PCSK5: variants seen among roughly 807,000 people sequenced by gnomAD.
The protein encoded by PCSK5 is prohormone convertase 5.
A neutral mutation model predicts 233.2 loss-of-function variants in PCSK5; 129 were observed. That is an observed-to-expected ratio of 0.55 (90% CI 0.48 to 0.64). The LOEUF is 0.64. Ranked by LOEUF, PCSK5 falls within the 30% of genes least tolerant of loss-of-function variation. The pLI is 0.00. For missense variants in PCSK5, 2,076 were observed against 2,430.1 expected, an observed-to-expected ratio of 0.85 and a Z score of 3.06; for synonymous variants, 825 against 879.2, an observed-to-expected ratio of 0.94 and a Z score of 1.09.
intron 1 of PCSK5, among the ~76,000 whole-genome samples, chr9:75,918,379 G>A (rs1823098419): frequency 6.6e-6 from 1 of 152,218 alleles, no homozygotes; most frequent in African/African-American, 2.4e-5. Flanking sequence ...ATTCAGTTAA[G>A]GTGGGGCTCA....
Position 76,296,842 on chromosome 9 carries a change from A to C in PCSK5, c.3500A>C (p.Gln1167Pro). The change falls in exon 27 of 38, where the codon CAG (glutamine) becomes CCG (proline). Residue 1167 changes from glutamine to proline, a missense_variant. Physicochemically the swap from Gln to Pro is moderately conservative, Grantham distance 76. Around this residue, in one of 6 missense-constraint regions of PCSK5, gnomAD observed 1,510 missense variants for 1,538.1 expected, o/e 0.98. Coordinates refer to ENST00000674117, the MANE Select transcript of PCSK5 (RefSeq NM_001372043.1). ...RGMCVHATKT[Q>P]EEGKFWNEAV... ...ATGTGCGTGCATGCCACCAAGACCC[A>C]GGAGGAGGGCAAATTCTGGAATGGT... is the stretch of plus-strand genomic sequence containing the variant. The C allele has an allele frequency of 8.1e-6, 13 of 1,611,176 alleles. No individual in the cohort carries two copies. Among genetic ancestry groups the C allele is most frequent in the Non-Finnish European group, 1.1e-5 (13 of 1,179,386 alleles).
intron 7 of PCSK5, among the ~76,000 whole-genome samples, chr9:76,093,316 A>G (rs1337867571): frequency 2.0e-5 from 3 of 151,804 alleles, no homozygotes; most frequent in African/African-American, 7.3e-5. Context: ...GCTGGTCTCT[A>G]ACTCCTGGAC....
At chr9:76,222,462 A>T (rs1391979723) in intron 20 of PCSK5, among the ~76,000 whole-genome samples, 2 of 152,148 alleles carry the variant, frequency 1.3e-5, no homozygotes, top group African/African-American at 4.8e-5. Context: ...GACCTTCATC[A>T]TCTTCTTCCA....
chr9:76,098,174 G>A (rs1831613506), intron 8 of PCSK5, among the ~76,000 whole-genome samples: 1 of 152,100 alleles, frequency 6.6e-6, no homozygotes, highest in South Asian at 2.1e-4. Flanking sequence ...TTTGTAGATT[G>A]ATTTAGGTAA....
At chr9:76,151,934 T>A (rs1267355189) in intron 10 of PCSK5, among the ~76,000 whole-genome samples, 1 of 152,236 alleles carries the variant, frequency 6.6e-6, no homozygotes, top group East Asian at 1.9e-4. Flanking sequence ...GAGTAGGTGC[T>A]TTACAACCTG....
chr9:76,271,199 G>C (rs1263686876), intron 24 of PCSK5, among the ~76,000 whole-genome samples: 4 of 152,200 alleles, frequency 2.6e-5, no homozygotes, highest in African/African-American at 7.2e-5. Context: ...TGAGCATTAA[G>C]GGAGAAAGGA....
intron 20 of PCSK5, among the ~76,000 whole-genome samples, chr9:76,206,816 T>C (rs1825133590): frequency 6.6e-6 from 1 of 152,236 alleles, no homozygotes; most frequent in African/African-American, 2.4e-5. Flanking sequence ...CTTGCTGTAT[T>C]AATTTCTTAT....
At chr9:76,226,001 G>A (rs1426466205) in intron 20 of PCSK5, among the ~76,000 whole-genome samples, 1 of 152,128 alleles carries the variant, frequency 6.6e-6, no homozygotes, top group Non-Finnish European at 1.5e-5. Context: ...TTGGGCCTAG[G>A]TCTCCTGGGA....
intron 24 of PCSK5, among the ~76,000 whole-genome samples, chr9:76,271,898 G>A (rs766166438): frequency 5.9e-5 from 9 of 152,050 alleles, no homozygotes; most frequent in Non-Finnish European, 1.2e-4. Flanking sequence ...ATAGTCTCAT[G>A]GCCTTCTCCC....
At chr9:75,911,506 C>T (rs1387373818) in intron 1 of PCSK5, among the ~76,000 whole-genome samples, 2 of 152,094 alleles carry the variant, frequency 1.3e-5, no homozygotes, top group Non-Finnish European at 2.9e-5. Context: ...CATAATGATC[C>T]CTTCGTTCTT....
intron 5 of PCSK5, among the ~76,000 whole-genome samples, chr9:76,050,047 C>G (rs139204140): frequency 6.6e-6 from 1 of 152,224 alleles, no homozygotes; most frequent in East Asian, 1.9e-4. Flanking sequence ...TGTATCATGT[C>G]TTTTTTTCTC....
At chr9:76,064,166 G>T (rs1229550786) in intron 5 of PCSK5, among the ~76,000 whole-genome samples, 45 of 116,004 alleles carry the variant, frequency 3.9e-4, no homozygotes, top group East Asian at 5.6e-4. Context: ...CGGACGGGGC[G>T]GCTGGCCAGG....
At chr9:76,283,307 G>C (rs761859121) in intron 24 of PCSK5, among the ~76,000 whole-genome samples, 4 of 152,114 alleles carry the variant, frequency 2.6e-5, no homozygotes, top group African/African-American at 9.7e-5. Flanking sequence ...GTCAATCAAC[G>C]TGGTAAACTT....
intron 2 of PCSK5, among the ~76,000 whole-genome samples, chr9:75,943,966 C>A (rs1414700055): frequency 2.0e-5 from 3 of 151,926 alleles, no homozygotes; most frequent in Non-Finnish European, 2.9e-5. Context: ...AGTTCGAGAC[C>A]AGCCTAGGCA....
intron 5 of PCSK5, among the ~76,000 whole-genome samples, chr9:76,047,492 GAGAA>G (rs1412252171): frequency 6.6e-6 from 1 of 152,096 alleles, no homozygotes; most frequent in Non-Finnish European, 1.5e-5. Context: ...CTAGTGACTT[GAGAA>G]AGAGTCATTT....
chr9:76,031,725 C>G (rs1179134698), intron 5 of PCSK5, among the ~76,000 whole-genome samples: 1 of 151,982 alleles, frequency 6.6e-6, no homozygotes, highest in Non-Finnish European at 1.5e-5. Flanking sequence ...TAAAGATTAT[C>G]AATAAAATGT....
intron 3 of PCSK5, among the ~76,000 whole-genome samples, chr9:75,988,922 G>A (rs981653715): frequency 7.2e-5 from 11 of 152,152 alleles, no homozygotes; most frequent in Admixed American, 1.3e-4. Context: ...TGCTGTTTAC[G>A]GTGCTGTGAG....
chr9:76,205,995 T>C (rs1469973719), intron 20 of PCSK5, among the ~76,000 whole-genome samples: 1 of 152,144 alleles, frequency 6.6e-6, no homozygotes, highest in African/African-American at 2.4e-5. Flanking sequence ...TGGGTTGAGA[T>C]GGCGACAGTC....
chr9:76,328,991 G>C (rs4745534), intron 33 of PCSK5, among the ~76,000 whole-genome samples: 1 of 49,398 alleles, frequency 2.0e-5, no homozygotes, highest in Non-Finnish European at 4.4e-5. Context: ...TTTTTTTTTT[G>C]TATTTTTGGT....
Sources: gnomAD v4.1 joint callset for allele counts (sites outside exome capture counted in the v4.1 genomes callset) on GRCh38, gnomAD v4.1.1 for gene constraint, gnomAD v4.1.1 regional missense constraint, MANE v1.5 for transcripts, NCBI Gene and HGNC (gene_info 2026-07-23, HGNC 2026-07-21) for gene names.